DSTYK: variants seen among roughly 807,000 people sequenced by gnomAD.
The protein encoded by DSTYK is RIP-homologous kinase.
A neutral mutation model predicts 98.7 loss-of-function variants in DSTYK; 34 were observed. The ratio of observed to expected loss-of-function variants is 0.34; its 90% CI spans 0.26 to 0.46. The LOEUF (loss-of-function observed/expected upper bound fraction) is 0.46, where lower values mean the gene tolerates loss of function less well. DSTYK is among the 20% of genes least tolerant of loss of function. The pLI, the probability that DSTYK is intolerant of heterozygous loss-of-function variation, is 1.00. For synonymous variants in DSTYK, 462 were observed against 457.3 expected (o/e 1.01, Z -0.13); for missense variants, 962 against 1,181.7 (o/e 0.81, Z 2.73).
rs1488235106 is a variant in DSTYK, at chr1:205,206,734, A to G, written c.265+4537T>C. ...AGTAGCTGGCATACAGGCACCTGCC[A>G]CCCTGCCCGGCTAATTTTTGTATTT... is the stretch of plus-strand genomic sequence containing the variant. On this transcript the variant is annotated intron_variant, in intron 1 of 12. Transcript: ENST00000367162. Among the ~76,000 whole-genome samples the G allele has an allele frequency of 2.0e-5, 3 of 150,280 alleles. No individual in the cohort carries two copies. The East Asian group carries it at 6.0e-4, about 30-fold the overall frequency.
chr1:205,196,758 A>ATTTTTTTTTTTTTTTTTTTTTT (rs113524415), intron 1 of DSTYK, among the ~76,000 whole-genome samples: 1 of 109,858 alleles, frequency 9.1e-6, no homozygotes. Flanking sequence ...AAAATGGTGA[A>ATTTTTTTTTTTTTTTTTTTTTT]TTTTTTTTTT....
chr1:205,163,192 T>A (rs1038697716), intron 4 of DSTYK, among the ~76,000 whole-genome samples, 186 bp from the exon 5 acceptor site: 2 of 151,728 alleles, frequency 1.3e-5, no homozygotes, highest in Non-Finnish European at 2.9e-5. Flanking sequence ...TTCTACCTCA[T>A]CTTTATATTC....
At chr1:205,155,000 T>C (rs879597297) in intron 10 of DSTYK, among the ~76,000 whole-genome samples, 5 of 139,946 alleles carry the variant, frequency 3.6e-5, no homozygotes, top group Non-Finnish European at 8.1e-5. Flanking sequence ...ATTTATTTAT[T>C]TAGAGACAGA....
chr1:205,187,762 G>T lies in DSTYK; in HGVS notation c.310C>A (p.Leu104Ile). ...ISFPPKEEKY[L>I]QQIVDCLPCI... ...GGGAGGCAGTCCACAATCTGCTGGAGGTACTTCTCTTCCTTAGGTGGGAAG... is the reference window on the plus strand; with the variant it reads ...GGGAGGCAGTCCACAATCTGCTGGATGTACTTCTCTTCCTTAGGTGGGAAG... The change falls in exon 2 of 13, where the codon CTC (leucine) becomes ATC (isoleucine). Residue 104 changes from leucine (L) to isoleucine (I), a missense_variant. Around this residue, in one of 4 missense-constraint regions of DSTYK, gnomAD observed 660 missense variants for 855.0 expected, o/e 0.77. Transcript: ENST00000367162. 1 of 1,614,100 alleles carries T rather than the reference G, an allele frequency of 6.2e-7. No individual in the cohort carries two copies. Among genetic ancestry groups the T allele is most frequent in the African/African-American group, 1.3e-5 (1 of 75,032 alleles).
At chr1:205,172,300 G>GTT (rs200894364) in intron 2 of DSTYK, among the ~76,000 whole-genome samples, 43 of 149,876 alleles carry the variant, frequency 2.9e-4, no homozygotes, top group East Asian at 2.7e-3. Context: ...GTTTGTTTGT[G>GTT]GTTTTTTTTT....
rs77761161 is a variant in DSTYK at position 205,152,908 on chromosome 1, T to A, written c.2353-2114A>T. Among the ~76,000 whole-genome samples, 163 of 152,290 alleles carry A rather than the reference T, an allele frequency of 1.1e-3. 3 individuals are homozygous for A. In the East Asian group the frequency reaches 0.03, roughly 28 times the overall value. On this transcript the variant is annotated intron_variant, in intron 10 of 12. Transcript: ENST00000367162. ...GCTGTTTTCATCTTTGCATCCCCAG[T>A]GCTTAGCACAGTGCTTAGCCTGGTA... is the stretch of plus-strand genomic sequence containing the variant.
chr1:205,200,543 A>G (rs951262575), intron 1 of DSTYK, among the ~76,000 whole-genome samples: 4 of 152,214 alleles, frequency 2.6e-5, no homozygotes, highest in Admixed American at 2.0e-4. Flanking sequence ...CTACCCACTC[A>G]AAGACAACTA....
intron 1 of DSTYK, among the ~76,000 whole-genome samples, chr1:205,194,544 C>CT (rs869180306): frequency 1.7e-4 from 14 of 81,722 alleles, no homozygotes; most frequent in Admixed American, 3.5e-4. Context: ...AAAAATCTCA[C>CT]TTTTTTTTTT....
Position 205,169,373 on chromosome 1 carries a change from T to G in DSTYK, c.1114A>C (p.Ile372Leu). The change falls in exon 3 of 13, where the codon ATC becomes CTC. Residue 372 changes from isoleucine (I) to leucine (L), a missense_variant. Transcript: ENST00000367162. This position sits in a 1 kb window ranked among gnomAD's most constrained non-coding sequence, Gnocchi z 4.0. ...ATGTCAAATGCCTGGTTAATAAAGA[T>G]GTCAAGGCAGTGGCAGTGCACCAGG... ...LNLVHCHCLD[I>L]FINQAFDMQR... is the part of the protein sequence containing the mutation. 1 of 1,614,198 alleles carries G rather than the reference T, an allele frequency of 6.2e-7. No individual in the cohort carries two copies. The highest frequency in any genetic ancestry group is 8.5e-7 in the Non-Finnish European group (1 of 1,180,038).
rs954430697 is a variant in DSTYK, at chr1:205,143,244, TCAAG to T, written c.*4310_*4313del. On this transcript the variant is annotated 3_prime_UTR_variant, in exon 13 of 13. Coordinates refer to ENST00000367162, the MANE Select transcript of DSTYK (RefSeq NM_015375.3). ...TCAATGCAGCCTCTGTCTCCTGGGT[TCAAG>T]CAATTCTCCTACCTCAGCCTCCTGA... 1.3e-5 allele frequency: 2 copies of T among 151,910 alleles called. No individual in the cohort carries two copies. Among genetic ancestry groups the T allele is most frequent in the African/African-American group, 4.8e-5 (2 of 41,304 alleles). 9.4% of individuals were successfully genotyped at this position (151,910 alleles called of 1,614,324 possible).
chr1:205,192,599 T>C (rs1658743441), intron 1 of DSTYK, among the ~76,000 whole-genome samples: 1 of 151,996 alleles, frequency 6.6e-6, no homozygotes, highest in South Asian at 2.1e-4. Context: ...TAGTGGTTCA[T>C]GCCTGTAATC....
chr1:205,176,172 G>A (rs578126474), intron 2 of DSTYK, among the ~76,000 whole-genome samples: 4 of 152,008 alleles, frequency 2.6e-5, no homozygotes, highest in South Asian at 2.1e-4. Context: ...CCATTTTCTC[G>A]GCATGATTAA....
chr1:205,199,869 C>T (rs1210462174), intron 1 of DSTYK, among the ~76,000 whole-genome samples: 1 of 152,174 alleles, frequency 6.6e-6, no homozygotes, highest in Admixed American at 6.5e-5. Context: ...TTCCTACCGG[C>T]TTCTCTGTAA....
chr1:205,209,416 T>C (rs1215097388), intron 1 of DSTYK, among the ~76,000 whole-genome samples: 1 of 152,166 alleles, frequency 6.6e-6, no homozygotes, highest in Non-Finnish European at 1.5e-5. Flanking sequence ...GCCTCACAGA[T>C]ACTGGTTCTC....
intron 2 of DSTYK, among the ~76,000 whole-genome samples, chr1:205,179,309 T>C (rs866377864): frequency 8.5e-5 from 13 of 152,060 alleles, no homozygotes; most frequent in Middle Eastern, 3.4e-3. Context: ...TGGGAAGTTA[T>C]GAAAGTAGAA....
chr1:205,195,946 G>A (rs368101495), intron 1 of DSTYK, among the ~76,000 whole-genome samples: 8 of 152,330 alleles, frequency 5.3e-5, no homozygotes, highest in African/African-American at 1.9e-4. Flanking sequence ...GATGGAAGTA[G>A]TTCCTTGAAG....
At chr1:205,201,405 C>CAAAAAAAAAAAA (rs67120994) in intron 1 of DSTYK, among the ~76,000 whole-genome samples, 1 of 95,468 alleles carries the variant, frequency 1.0e-5, no homozygotes, top group Non-Finnish European at 1.9e-5. Flanking sequence ...TTTTTTAATG[C>CAAAAAAAAAAAA]AAAAAAAAAA....
In DSTYK at chr1:205,142,677, T is replaced by C. The variant is rs139044936; in HGVS notation, c.*4881A>G. 171 of 152,290 alleles carry C rather than the reference T, an allele frequency of 1.1e-3. 1 individual carries two copies. The highest frequency in any genetic ancestry group is 3.8e-3 in the African/African-American group (156 of 41,534). 9.4% of individuals were successfully genotyped at this position (152,290 alleles called of 1,614,324 possible). A position where few individuals can be genotyped will look rare whatever the true frequency, so the allele number is the denominator to read the frequency against. On this transcript the variant is annotated 3_prime_UTR_variant, in exon 13 of 13. Transcript: ENST00000367162. ...AATTAAGACGGTCCTGCTGTAACAA[T>C]ATTATGGAAAGAGCCAGGTAGCACA...
chr1:205,151,664 C>T (rs1293989622), intron 10 of DSTYK, among the ~76,000 whole-genome samples: 2 of 146,410 alleles, frequency 1.4e-5, no homozygotes, highest in Non-Finnish European at 3.0e-5. Context: ...TGGGGTCTTT[C>T]TCTGTTGTCC....
Sources: allele counts gnomAD v4.1 joint callset (sites outside exome capture counted in the v4.1 genomes callset), GRCh38; gene constraint gnomAD v4.1.1; regional missense constraint gnomAD v4.1.1; non-coding constraint Gnocchi (gnomAD v3.1); transcripts MANE v1.5; gene names NCBI Gene and HGNC (gene_info 2026-07-23, HGNC 2026-07-21).